KDM3A: variants seen among roughly 807,000 people sequenced by gnomAD.
The protein encoded by KDM3A is lysine demethylase 3A, also known as lysine-specific demethylase 3A.
In KDM3A, 60 loss-of-function variants were observed where a neutral mutation model predicts 158.0. The ratio of observed to expected loss-of-function variants is 0.38; its 90% confidence interval spans 0.31 to 0.47. KDM3A has a LOEUF of 0.47. Ranked by LOEUF, KDM3A falls within the 20% of genes least tolerant of loss-of-function variation. KDM3A has a pLI of 0.99. For synonymous variants in KDM3A, 608 were observed against 549.3 expected, an observed-to-expected ratio of 1.11 and a Z score of -1.49; for missense variants, 1,319 against 1,574.3, an observed-to-expected ratio of 0.84 and a Z score of 2.74.
Position 86,451,196 on chromosome 2 carries a change from C to T in KDM3A, c.436C>T (p.Leu146Phe). 3 of 1,603,410 alleles carry T rather than the reference C, an allele frequency of 1.9e-6. No individual in the cohort carries two copies. Among genetic ancestry groups the T allele is most frequent in the Non-Finnish European group, 2.6e-6 (3 of 1,174,234 alleles). The change falls in exon 4 of 26, where the codon CTT becomes TTT. Residue 146 changes from leucine to phenylalanine, a missense_variant. By Grantham distance (22) the Leu-to-Phe change is conservative (BLOSUM62 0). Coordinates refer to ENST00000312912, the MANE Select transcript of KDM3A (RefSeq NM_018433.6). ...DQQRVFLSKD[L>F]LKPIQDVNSL... ...ACAAAGAGTATTTCTTTCTAAAGAC[C>T]TTTTGAAGCCTATACAGGTAAAACA... is the stretch of plus-strand genomic sequence containing the variant.
chr2:86,441,862 G>A (rs1682727964), intron 1 of KDM3A, 156 bp from the exon 2 acceptor site: 1 of 317,210 alleles, frequency 3.2e-6, no homozygotes. Flanking sequence ...GAGGGCGGCG[G>A]GGGGCGGGAG....
intron 2 of KDM3A, among the ~76,000 whole-genome samples, chr2:86,447,054 C>G (rs1682985072): frequency 6.6e-6 from 1 of 152,176 alleles, no homozygotes. Flanking sequence ...TCGAGTGATC[C>G]TCCTGTCTTG....
At chr2:86,472,543 ATC>A (rs1043053228) in intron 11 of KDM3A, among the ~76,000 whole-genome samples, 12 of 152,052 alleles carry the variant, frequency 7.9e-5, no homozygotes, top group Non-Finnish European at 1.6e-4. Context: ...TGTTATGACT[ATC>A]TCTAATTTGG....
intron 18 of KDM3A, 109 bp downstream of exon 18, chr2:86,482,803 TTTA>T: frequency 1.0e-6 from 1 of 953,540 alleles, no homozygotes; most frequent in South Asian, 1.5e-5. Flanking sequence ...CACCTCCTGT[TTTA>T]TTCTTTATTG....
intron 11 of KDM3A, 147 bp from the exon 12 acceptor site, chr2:86,474,629 A>G (rs1673568448): frequency 6.8e-6 from 4 of 589,100 alleles, no homozygotes; most frequent in Admixed American, 3.1e-5. Context: ...GCACCACTGC[A>G]CTCCAGCCTG....
chr2:86,455,206 G>T lies in KDM3A; in HGVS notation c.556+19G>T. The T allele has an allele frequency of 1.5e-6, 2 of 1,335,580 alleles. No homozygotes were observed. Among genetic ancestry groups the T allele is most frequent in the Non-Finnish European group, 2.1e-6 (2 of 945,602 alleles). 82.7% of individuals were successfully genotyped at this position (1,335,580 alleles called of 1,614,324 possible). On this transcript the variant is annotated intron_variant, in intron 5 of 25. Transcript: ENST00000312912. Reference sequence around the variant, plus strand: ...TTAAAAGGTATATGCATTATCTAGTGGTGATAGTTCACGAGTTGACCAATG... The same window carrying T: ...TTAAAAGGTATATGCATTATCTAGTTGTGATAGTTCACGAGTTGACCAATG...
chr2:86,448,719 C>A (rs1683049448), intron 2 of KDM3A, among the ~76,000 whole-genome samples: 1 of 152,120 alleles, frequency 6.6e-6, no homozygotes, highest in Non-Finnish European at 1.5e-5. Context: ...AAATGATGAA[C>A]AGATTTGATA....
chr2:86,464,580 T>C (rs1673058497), intron 9 of KDM3A, among the ~76,000 whole-genome samples: 1 of 152,144 alleles, frequency 6.6e-6, no homozygotes, highest in South Asian at 2.1e-4. Context: ...CAGTGAGAGA[T>C]TCTCCGCAGC....
chr2:86,451,483 G>T (rs1305107671), intron 4 of KDM3A, among the ~76,000 whole-genome samples: 1 of 152,064 alleles, frequency 6.6e-6, no homozygotes, highest in Non-Finnish European at 1.5e-5. Flanking sequence ...CTAGATAAAA[G>T]AAAATGTTAT....
Position 86,482,530 on chromosome 2 carries a change from A to G in KDM3A, c.2758A>G (p.Thr920Ala). The stretch of plus-strand genomic sequence containing the variant: ...TGCCTCTTTGGTGCAAAATAAGACG[A>G]CTTCTGATTTATCTAAGAGGCCTCA... ...IFASLVQNKT[T>A]SDLSKRPQGL... is the part of the protein sequence containing the mutation. Residue 920 changes from threonine (T) to alanine (A), a missense_variant, in exon 18 of 26, where the codon ACT becomes GCT. Physicochemically the swap from Thr to Ala is moderately conservative, Grantham distance 58. Around this residue, in one of 4 missense-constraint regions of KDM3A, gnomAD observed 368 missense variants for 415.8 expected, o/e 0.89. Coordinates refer to ENST00000312912, the MANE Select transcript of KDM3A (RefSeq NM_018433.6). 1 of 1,614,110 alleles carries G rather than the reference A, an allele frequency of 6.2e-7. No individual in the cohort carries two copies. Among genetic ancestry groups the G allele is most frequent in the Non-Finnish European group, 8.5e-7 (1 of 1,180,010 alleles).
intron 21 of KDM3A, chr2:86,487,667 CA>C (rs1360825028): frequency 6.6e-6 from 1 of 152,256 alleles, no homozygotes; most frequent in Non-Finnish European, 1.5e-5. Context: ...CCCCATCACC[CA>C]ACAGCCCCTA....
intron 10 of KDM3A, among the ~76,000 whole-genome samples, chr2:86,467,602 C>T (rs907411716): frequency 6.6e-6 from 1 of 152,170 alleles, no homozygotes; most frequent in Non-Finnish European, 1.5e-5. Context: ...TGGTAGTTAT[C>T]AGAAGCTCTG....
chr2:86,485,148 C>A (rs1163445108), intron 20 of KDM3A, 119 bp downstream of exon 20: 1 of 617,936 alleles, frequency 1.6e-6, no homozygotes, highest in Non-Finnish European at 2.9e-6. Context: ...AATTATACTG[C>A]CACTGATTTT....
chr2:86,462,061 G>A (rs1672952782), intron 8 of KDM3A, among the ~76,000 whole-genome samples: 1 of 152,014 alleles, frequency 6.6e-6, no homozygotes, highest in African/African-American at 2.4e-5. Context: ...TGGAAGGAAG[G>A]TTGGTTAGGA....
At chr2:86,472,687 C>A (rs971050877) in intron 11 of KDM3A, among the ~76,000 whole-genome samples, 1 of 152,146 alleles carries the variant, frequency 6.6e-6, no homozygotes. Flanking sequence ...TTCTAAAACA[C>A]AACTTTGCAT....
upstream of KDM3A, chr2:86,441,240 G>A (rs1197123256): frequency 6.6e-6 from 1 of 152,136 alleles, no homozygotes; most frequent in Non-Finnish European, 1.5e-5. Context: ...CTCGCCCGGG[G>A]GGCCAATGGT....
chr2:86,485,749 A>G lies in KDM3A; in HGVS notation c.3203A>G (p.Asn1068Ser), dbSNP rs150326959. The G allele has an allele frequency of 1.1e-5, 17 of 1,614,084 alleles. No homozygotes were observed. Among genetic ancestry groups the G allele is most frequent in the South Asian group, 3.3e-5 (3 of 91,082 alleles). Residue 1068 changes from asparagine (N) to serine (S), a missense_variant, in exon 21 of 26, where the codon AAC becomes AGC. Coordinates refer to ENST00000312912, the MANE Select transcript of KDM3A (RefSeq NM_018433.6). ...TCTAGGTTTGATGATCTGATGGCCA[A>G]CATTCCACTGCCCGAGTACACAAGG... ...MPSRFDDLMANIPLPEYTRRD... is the reference protein window; with the variant it reads ...MPSRFDDLMASIPLPEYTRRD...
At chr2:86,462,802 A>G (rs968275097) in intron 8 of KDM3A, among the ~76,000 whole-genome samples, 1 of 152,192 alleles carries the variant, frequency 6.6e-6, no homozygotes, top group African/African-American at 2.4e-5. Flanking sequence ...CAGGTTTTAA[A>G]AACCTGCTGG....
At chr2:86,468,378 C>T (rs994645270) in intron 10 of KDM3A, among the ~76,000 whole-genome samples, 1 of 152,180 alleles carries the variant, frequency 6.6e-6, no homozygotes, top group African/African-American at 2.4e-5. Flanking sequence ...TTTGAATCAT[C>T]AGCTCTCACA....
Sources: gnomAD v4.1 joint callset for allele counts (sites outside exome capture counted in the v4.1 genomes callset) on GRCh38, gnomAD v4.1.1 for gene constraint, gnomAD v4.1.1 regional missense constraint, MANE v1.5 for transcripts, NCBI Gene and HGNC (gene_info 2026-07-23, HGNC 2026-07-21) for gene names.